The following ARFGEF1 variants were observed in gnomAD, a reference collection of about 807,000 sequenced individuals.
The protein encoded by ARFGEF1 is brefeldin A-inhibited guanine nucleotide-exchange protein 1.
ARFGEF1 carries 42 observed loss-of-function variants against 231.0 expected under a neutral mutation model. The ratio of observed to expected loss-of-function variants is 0.18; its 90% CI spans 0.14 to 0.24. ARFGEF1 has a LOEUF of 0.24. Among genes scored for constraint, ARFGEF1 ranks in the 10% least tolerant of loss-of-function variants. ARFGEF1 has a pLI of 1.00. For synonymous variants in ARFGEF1, 710 were observed against 732.3 expected (o/e 0.97, Z 0.49); for missense variants, 1,345 against 2,192.0 (o/e 0.61, Z 7.72).
chr8:67,343,007 T>A (rs80285047), intron 1 of ARFGEF1, among the ~76,000 whole-genome samples, 157 bp downstream of exon 1: 1 of 152,186 alleles, frequency 6.6e-6, no homozygotes, highest in African/African-American at 2.4e-5. Context: ...GCCGAGTTCC[T>A]GTCAACTCCA....
intron 21 of ARFGEF1, 58 bp from the exon 22 acceptor site, chr8:67,238,551 A>G: frequency 6.6e-7 from 1 of 1,514,914 alleles, no homozygotes; most frequent in Middle Eastern, 1.7e-4. Context: ...CTTCAAAAAG[A>G]TTTAAATATA....
chr8:67,283,565 A>G (rs2128904599), intron 7 of ARFGEF1, among the ~76,000 whole-genome samples: 1 of 152,292 alleles, frequency 6.6e-6, no homozygotes, highest in South Asian at 2.1e-4. Context: ...TAATAAGATC[A>G]AAAGACTTGG....
intron 19 of ARFGEF1, among the ~76,000 whole-genome samples, chr8:67,242,019 A>G (rs989862774): frequency 6.6e-6 from 1 of 152,246 alleles, no homozygotes; most frequent in Non-Finnish European, 1.5e-5. Flanking sequence ...GGAAGCATTC[A>G]GACGAGCCAC....
chr8:67,184,205 C>T (rs1293004519), intron 5 of ARFGEF1, among the ~76,000 whole-genome samples: 1 of 152,052 alleles, frequency 6.6e-6, no homozygotes, highest in Non-Finnish European at 1.5e-5. Flanking sequence ...ACTGTGCATA[C>T]ATGAAGAAAG....
chr8:67,177,738 GT>G, intron 5 of ARFGEF1: 1 of 1,602,968 alleles, frequency 6.2e-7, no homozygotes, highest in Non-Finnish European at 8.5e-7. Context: ...TAAGCAACCA[GT>G]TACAATTTTT....
At chr8:67,225,947 C>A in intron 28 of ARFGEF1, 76 bp downstream of exon 28, 1 of 1,399,030 alleles carries the variant, frequency 7.1e-7, no homozygotes, top group South Asian at 1.6e-5. Flanking sequence ...CATATACCCT[C>A]AATTCCCAAA....
At chr8:67,308,626 A>G (rs1359837413) in intron 1 of ARFGEF1, among the ~76,000 whole-genome samples, 2 of 152,170 alleles carry the variant, frequency 1.3e-5, no homozygotes, top group Non-Finnish European at 2.9e-5. Flanking sequence ...CCCATTTGCC[A>G]TTCTTACTCA....
intron 7 of ARFGEF1, among the ~76,000 whole-genome samples, chr8:67,284,254 A>T (rs56186469): frequency 0.34 from 50,943 of 151,880 alleles, 8,899 homozygotes; most frequent in African/African-American, 0.42. Flanking sequence ...ACAAAAAATG[A>T]GAGAAAGGGA....
intron 22 of ARFGEF1, among the ~76,000 whole-genome samples, chr8:67,237,589 G>T (rs1839809839): frequency 6.6e-6 from 1 of 152,094 alleles, no homozygotes; most frequent in Admixed American, 6.5e-5. Context: ...GATGGACAGA[G>T]AATATCTAGA....
intron 1 of ARFGEF1, 120 bp from the exon 2 acceptor site, chr8:67,302,586 T>C (rs1806541839): frequency 1.3e-5 from 8 of 601,244 alleles, no homozygotes; most frequent in Admixed American, 7.2e-5. Flanking sequence ...AATGCAAATT[T>C]AATAAAAATT....
intron 7 of ARFGEF1, among the ~76,000 whole-genome samples, chr8:67,277,946 C>A (rs1165826582): frequency 6.6e-6 from 1 of 152,162 alleles, no homozygotes; most frequent in African/African-American, 2.4e-5. Flanking sequence ...AAGCCCCCTT[C>A]CCGTTTTTAG....
At chr8:67,266,480 T>C (rs1239710389) in intron 13 of ARFGEF1, among the ~76,000 whole-genome samples, 1 of 152,164 alleles carries the variant, frequency 6.6e-6, no homozygotes, top group Non-Finnish European at 1.5e-5. Context: ...TCACTCCTCA[T>C]GAGGAATTGT....
chr8:67,318,371 G>T (rs1244302080), intron 1 of ARFGEF1, among the ~76,000 whole-genome samples: 1 of 151,816 alleles, frequency 6.6e-6, no homozygotes, highest in Non-Finnish European at 1.5e-5. Context: ...CAATAGAGGA[G>T]AATGATAAAC....
chr8:67,238,935 A>G, intron 20 of ARFGEF1, 42 bp from the exon 21 acceptor site: 1 of 1,482,380 alleles, frequency 6.7e-7, no homozygotes, highest in Non-Finnish European at 9.2e-7. Flanking sequence ...TTCTAAATAG[A>G]GCAGACTGAT....
At chr8:67,241,867 C>T (rs988271235) in intron 19 of ARFGEF1, among the ~76,000 whole-genome samples, 4 of 152,108 alleles carry the variant, frequency 2.6e-5, no homozygotes, top group African/African-American at 7.2e-5. Flanking sequence ...CTCCCATCAG[C>T]GGCCCTATGC....
intron 29 of ARFGEF1, among the ~76,000 whole-genome samples, chr8:67,222,666 G>T (rs949635084): frequency 1.1e-4 from 17 of 152,084 alleles, no homozygotes; most frequent in African/African-American, 4.1e-4. Flanking sequence ...GTCCAGGATG[G>T]TCTTGAACTC....
At chr8:67,195,493 T>G (rs1837752478), downstream of ARFGEF1, 1 of 1,614,174 alleles carries the variant, frequency 6.2e-7, no homozygotes. Context: ...TCAGAAACGC[T>G]GAAACGTTTC....
At chr8:67,299,740 T>C (rs985461331) in intron 3 of ARFGEF1, among the ~76,000 whole-genome samples, 11 of 152,012 alleles carry the variant, frequency 7.2e-5, no homozygotes, top group African/African-American at 1.2e-4. Context: ...TCAGTCCACA[T>C]TGGGTGGACT....
At chr8:67,175,456 G>C, downstream of ARFGEF1, 1 of 1,613,694 alleles carries the variant, frequency 6.2e-7, no homozygotes, top group African/African-American at 1.3e-5. Context: ...AATCATTGCT[G>C]TGTCAAATAG....
Sources: allele counts gnomAD v4.1 joint callset (sites outside exome capture counted in the v4.1 genomes callset), GRCh38; gene constraint gnomAD v4.1.1; transcripts MANE v1.5; gene names NCBI Gene and HGNC (gene_info 2026-07-23, HGNC 2026-07-21).